Variants in CCNL2 observed in about 807,000 individuals in gnomAD.
CCNL2 encodes cyclin L2.
A neutral mutation model predicts 59.1 loss-of-function variants in CCNL2; 28 were observed. That is an observed-to-expected ratio of 0.47 (90% CI 0.35 to 0.65). The LOEUF (loss-of-function observed/expected upper bound fraction) is 0.65. Ranked by LOEUF, CCNL2 falls within the 30% of genes least tolerant of loss-of-function variation. The pLI is 0.00. For missense variants in CCNL2, 714 were observed against 717.4 expected (o/e 1.00, Z 0.05); for synonymous variants, 342 against 288.6 (o/e 1.19, Z -1.88).
At chr1:1,391,414 G>A in intron 5 of CCNL2, 2 of 1,197,870 alleles carry the variant, frequency 1.7e-6, no homozygotes, top group Non-Finnish European at 2.1e-6. Context: ...TGCTGACCGA[G>A]CTGCAGCTTC....
chr1:1,399,064 G>C lies in CCNL2; in HGVS notation c.243C>G (p.Gly81=). Residue 81 remains glycine (G), a synonymous_variant, in exon 1 of 11, where the codon GGC becomes GGG. Coordinates refer to ENST00000400809, the MANE Select transcript of CCNL2 (RefSeq NM_030937.6). ...TDTETDLRVV[G]CELIQAAGIL... is the part of the protein sequence containing the mutation. Reference sequence around the variant, plus strand: ...TACCGGCCGCCTGGATGAGCTCGCAGCCCACCACGCGGAGGTCGGTCTCTG... The same window carrying C: ...TACCGGCCGCCTGGATGAGCTCGCACCCCACCACGCGGAGGTCGGTCTCTG... 1.9e-6 allele frequency: 3 copies of C among 1,610,380 alleles called. No individual in the cohort carries two copies. Among genetic ancestry groups the C allele is most frequent in the Middle Eastern group, 1.7e-4 (1 of 6,052 alleles).
intron 4 of CCNL2, among the ~76,000 whole-genome samples, chr1:1,394,302 C>T (rs537177627): frequency 2.5e-4 from 38 of 152,208 alleles, no homozygotes; most frequent in Non-Finnish European, 4.3e-4. Flanking sequence ...ACAGAAGGCA[C>T]CCACAACGCT....
chr1:1,389,087 T>G (rs1644622473), intron 8 of CCNL2: 1 of 149,082 alleles, frequency 6.7e-6, no homozygotes, highest in Non-Finnish European at 1.4e-5. Context: ...AAAAAAGAAA[T>G]GCAGGCCGGG....
At chr1:1,392,583 T>C in intron 5 of CCNL2, 1 of 1,425,176 alleles carries the variant, frequency 7.0e-7, no homozygotes, top group Non-Finnish European at 9.1e-7. Flanking sequence ...CCAACTCTAA[T>C]CAATACGATT....
chr1:1,392,906 C>A, intron 5 of CCNL2: 1 of 1,176,066 alleles, frequency 8.5e-7, no homozygotes, highest in South Asian at 1.3e-5. Context: ...CCCTTACAGA[C>A]TTAACTCCAT....
intron 8 of CCNL2, among the ~76,000 whole-genome samples, chr1:1,389,825 G>A (rs1644666943): frequency 6.6e-6 from 1 of 152,070 alleles, no homozygotes; most frequent in Non-Finnish European, 1.5e-5. Context: ...CAGGCGTGGT[G>A]GCGGCCACCT....
At chr1:1,397,029 G>C (rs1299599593) in intron 3 of CCNL2, among the ~76,000 whole-genome samples, 1 of 152,182 alleles carries the variant, frequency 6.6e-6, no homozygotes, top group Non-Finnish European at 1.5e-5. Flanking sequence ...TTACAGGCGT[G>C]AGCCACTGCA....
chr1:1,398,466 G>C, intron 2 of CCNL2, 124 bp from the exon 3 acceptor site: 1 of 1,569,058 alleles, frequency 6.4e-7, no homozygotes, highest in South Asian at 1.2e-5. Flanking sequence ...AAAAAGTCAA[G>C]AAACAGAACC....
At chr1:1,397,254 G>A (rs547338731) in intron 3 of CCNL2, among the ~76,000 whole-genome samples, 1 of 152,306 alleles carries the variant, frequency 6.6e-6, no homozygotes, top group African/African-American at 2.4e-5. Flanking sequence ...GTTCTCTGCT[G>A]GAGAAATTTT....
chr1:1,390,401 A>G, intron 7 of CCNL2, 30 bp from the exon 8 acceptor site: 5 of 1,611,700 alleles, frequency 3.1e-6, no homozygotes, highest in Non-Finnish European at 4.2e-6. Flanking sequence ...TCCGTTCAGA[A>G]CCAGGTGTTT....
chr1:1,390,138 TG>T, intron 8 of CCNL2, 91 bp downstream of exon 8: 1 of 1,126,016 alleles, frequency 8.9e-7, no homozygotes, highest in Non-Finnish European at 1.2e-6. Context: ...AAAAAATGTC[TG>T]GAAGGAGCAC....
chr1:1,388,838 G>T, intron 8 of CCNL2: 1 of 383,212 alleles, frequency 2.6e-6, no homozygotes. Flanking sequence ...CACTTTGGGA[G>T]GCCAAGGCGG....
chr1:1,392,898 C>T (rs1462307759), intron 5 of CCNL2: 2 of 1,246,270 alleles, frequency 1.6e-6, no homozygotes, highest in East Asian at 2.4e-5. Flanking sequence ...AAATATGACC[C>T]TTACAGACTT....
intron 5 of CCNL2, chr1:1,392,580 T>C (rs1372124727): frequency 1.4e-6 from 2 of 1,421,770 alleles, no homozygotes; most frequent in East Asian, 2.5e-5. Flanking sequence ...TTACCAACTC[T>C]AATCAATACG....
intron 8 of CCNL2, chr1:1,388,572 TC>T: frequency 1.2e-5 from 5 of 432,520 alleles, no homozygotes; most frequent in Non-Finnish European, 1.4e-5. Flanking sequence ...TGTGTCTCTC[TC>T]TCTCTCTCTC....
At position 1,399,087 on chromosome 1, in the gene CCNL2, C is replaced by CT; in HGVS notation, c.219dup (p.Glu74ArgfsTer98). The CT allele has an allele frequency of 6.2e-7, 1 of 1,611,726 alleles. No homozygotes were observed. ...CAGCCCACCACGCGGAGGTCGGTCT[C>CT]TGTGTCGGTGTCGAGGCCGCTCGAC... On this transcript the variant is annotated frameshift_variant, in exon 1 of 11. Transcript: ENST00000400809. LOFTEE classifies it high-confidence loss of function.
intron 3 of CCNL2, among the ~76,000 whole-genome samples, chr1:1,396,704 C>T (rs562358609): frequency 3.3e-5 from 5 of 151,544 alleles, no homozygotes; most frequent in Admixed American, 1.3e-4. Flanking sequence ...CTCACCCTCC[C>T]GAATAGCTGG....
chr1:1,393,402 G>A lies in CCNL2; in HGVS notation c.653C>T (p.Thr218Ile), dbSNP rs779464705. The A allele has an allele frequency of 6.2e-6, 10 of 1,613,828 alleles. No individual in the cohort carries two copies. The highest frequency in any genetic ancestry group is 6.8e-6 in the Non-Finnish European group (8 of 1,179,702). Residue 218 changes from threonine (T) to isoleucine (I), a missense_variant, in exon 5 of 11, where the codon ACC (threonine) becomes ATC (isoleucine). By Grantham distance (89) the Thr-to-Ile change is moderately conservative (BLOSUM62 -1). This residue lies in a region of CCNL2 where 19 missense variants were observed against 20.1 expected (regional missense o/e 0.94). Coordinates refer to ENST00000400809, the MANE Select transcript of CCNL2 (RefSeq NM_030937.6). The stretch of plus-strand genomic sequence containing the variant: ...ACAAGGAAGCTCAACTCACCATGAG[G>A]TCTGGACCAGGTGTTGGTTACGCTC... ...ECERNQHLVQ[T>I]SWNYMNDSLR... is the part of the protein sequence containing the mutation.
At chr1:1,388,944 G>A (rs9726836) in intron 8 of CCNL2, 132,635 of 219,410 alleles carry the variant, frequency 0.6, 47,587 homozygotes, top group Non-Finnish European at 0.81. Context: ...GTGTGGTGGC[G>A]GGTACCTGCA....
Sources: allele counts gnomAD v4.1 joint callset (sites outside exome capture counted in the v4.1 genomes callset), GRCh38; gene constraint gnomAD v4.1.1; regional missense constraint gnomAD v4.1.1; transcripts MANE v1.5; gene names NCBI Gene and HGNC (gene_info 2026-07-23, HGNC 2026-07-21).